The following CDH3 variants were observed in gnomAD, a reference collection of about 807,000 sequenced individuals.
CDH3 encodes cadherin-3.
In CDH3, 54 loss-of-function variants were observed where a neutral mutation model predicts 82.0. That is an observed-to-expected ratio of 0.66 (90% CI 0.53 to 0.83). The LOEUF is 0.83. CDH3 is among the 40% of genes least tolerant of loss of function. The pLI is 0.00. For missense variants in CDH3, 1,054 were observed against 1,084.6 expected, an observed-to-expected ratio of 0.97 and a Z score of 0.40; for synonymous variants, 446 against 437.9, an observed-to-expected ratio of 1.02 and a Z score of -0.23.
intron 12 of CDH3, among the ~76,000 whole-genome samples, chr16:68,690,745 A>G (rs1190407696): frequency 6.6e-6 from 1 of 152,100 alleles, no homozygotes; most frequent in Non-Finnish European, 1.5e-5. Context: ...TGTCTCTACT[A>G]AAAATACAAA....
At chr16:68,731,921 A>G (rs1962297245), downstream of CDH3, among the ~76,000 whole-genome samples, 1 of 152,220 alleles carries the variant, frequency 6.6e-6, no homozygotes, top group East Asian at 1.9e-4. Context: ...GTACAATTAC[A>G]AAGTTTACAA....
rs371486773 is a variant in CDH3 at position 68,679,970 on chromosome 16, G to A, written c.863G>A (p.Arg288Gln). Reference protein sequence around the residue: ...TISVISSGLDREKVPEYTLTI... With the variant: ...TISVISSGLDQEKVPEYTLTI... ...AGCGTCATCTCCAGTGGCCTGGACCGGGAAGTGAGTGGCCCTTAGGGAAAG... is the reference window on the plus strand; with the variant it reads ...AGCGTCATCTCCAGTGGCCTGGACCAGGAAGTGAGTGGCCCTTAGGGAAAG... The change falls in exon 7 of 16, where the codon CGG becomes CAG. Residue 288 changes from arginine to glutamine, a missense_variant. Physicochemically the swap from Arg to Gln is conservative, Grantham distance 43 (BLOSUM62 1). Transcript: ENST00000264012. The A allele has an allele frequency of 3.5e-5, 56 of 1,613,900 alleles. No homozygotes were observed. The highest frequency in any genetic ancestry group is 1.6e-4 in the Middle Eastern group (1 of 6,084).
At chr16:68,670,223 CAAAAA>C (rs71148932) in intron 2 of CDH3, among the ~76,000 whole-genome samples, 2 of 91,004 alleles carry the variant, frequency 2.2e-5, no homozygotes, top group Non-Finnish European at 2.2e-5. Context: ...GACTCTGTCT[CAAAAA>C]AAAAAAAAAA....
intron 1 of CDH3, among the ~76,000 whole-genome samples, chr16:68,706,544 CTTTTT>C (rs34364461): frequency 3.7e-5 from 3 of 81,666 alleles, no homozygotes; most frequent in Non-Finnish European, 7.0e-5. Context: ...GTCACATTTC[CTTTTT>C]TTTTTTTTTT....
rs377075308 is a variant in CDH3 at position 68,707,690 on chromosome 16, C to T, written c.99+11767C>T. On this transcript the variant is annotated intron_variant, in intron 1 of 2. Coordinates refer to the CDH3 transcript ENST00000569080. This position sits in a 1 kb window ranked among gnomAD's most constrained non-coding sequence, Gnocchi z 4.5. ...TGGTGGAAAAGCACTCAGTGTTTAGCGCTGAGCCTGCAGTGCAGTTGGGGA... is the reference window on the plus strand; with the variant it reads ...TGGTGGAAAAGCACTCAGTGTTTAGTGCTGAGCCTGCAGTGCAGTTGGGGA... 6.6e-4 allele frequency among the ~76,000 whole-genome samples: 100 copies of T among 152,270 alleles called. No homozygotes were observed. The South Asian group carries it at 0.016, about 24-fold the overall frequency.
rs760266749 is a variant in CDH3 at position 68,698,281 on chromosome 16, TC to T, written c.2374del (p.Leu792Ter). The T allele has an allele frequency of 2.5e-6, 4 of 1,614,114 alleles. No individual in the cohort carries two copies. The highest frequency in any genetic ancestry group is 2.7e-5 in the African/African-American group (2 of 74,938). On this transcript the variant is annotated frameshift_variant, in exon 16 of 16. Transcript: ENST00000264012. LOFTEE classifies it high-confidence loss of function. ...DYEGSGSDAA[S>X]LSSLTSSASD... ...TGAGGGCAGCGGCTCCGACGCCGCG[TC>T]CCTGAGCTCCCTCACCTCCTCCGCC...
intron 2 of CDH3, among the ~76,000 whole-genome samples, chr16:68,654,152 C>T (rs1328220712): frequency 2.0e-5 from 3 of 150,494 alleles, no homozygotes; most frequent in African/African-American, 4.9e-5. Flanking sequence ...CTCCGCCTCC[C>T]GGATTCAAGC....
downstream of CDH3, among the ~76,000 whole-genome samples, chr16:68,704,304 G>C (rs907906048): frequency 6.6e-6 from 1 of 151,258 alleles, no homozygotes; most frequent in African/African-American, 2.4e-5. Flanking sequence ...AAAAAAAAGG[G>C]TTAATATCTG....
At chr16:68,698,079 T>C (rs1433001260) in intron 15 of CDH3, 112 bp from the exon 16 acceptor site, 8 of 962,802 alleles carry the variant, frequency 8.3e-6, no homozygotes, top group Non-Finnish European at 1.0e-5. Flanking sequence ...CATTTCTACC[T>C]CCAAAACCTT....
intron 13 of CDH3, among the ~76,000 whole-genome samples, chr16:68,694,151 C>T (rs981186980): frequency 2.0e-5 from 3 of 151,438 alleles, no homozygotes; most frequent in African/African-American, 7.3e-5. Flanking sequence ...CAGAGCGAGA[C>T]TCTGTTTCAA....
chr16:68,731,443 CACACACACGT>C (rs1962290719), downstream of CDH3, among the ~76,000 whole-genome samples: 5 of 11,526 alleles, frequency 4.3e-4, no homozygotes, highest in Admixed American at 1.9e-3. Flanking sequence ...CATATATATA[CACACACACGT>C]ATATACACAT....
At chr16:68,668,310 G>A (rs143387567) in intron 2 of CDH3, among the ~76,000 whole-genome samples, 2 of 152,270 alleles carry the variant, frequency 1.3e-5, no homozygotes, top group Non-Finnish European at 2.9e-5. Flanking sequence ...GTGGCCTTGT[G>A]GAACCATGCT....
At chr16:68,653,918 C>T (rs932775191) in intron 2 of CDH3, among the ~76,000 whole-genome samples, 5 of 151,570 alleles carry the variant, frequency 3.3e-5, no homozygotes, top group African/African-American at 1.2e-4. Flanking sequence ...GAGGTTTCGC[C>T]ATGTTAGCCA....
At chr16:68,673,963 C>A (rs977379105) in intron 2 of CDH3, among the ~76,000 whole-genome samples, 2 of 152,062 alleles carry the variant, frequency 1.3e-5, no homozygotes, top group African/African-American at 4.8e-5. Context: ...TTGTTTCTAC[C>A]TTTTGACTAT....
intron 2 of CDH3, among the ~76,000 whole-genome samples, chr16:68,667,467 C>A (rs897341272): frequency 6.6e-6 from 1 of 152,098 alleles, no homozygotes; most frequent in Admixed American, 6.6e-5. Context: ...ATTTTGTCTA[C>A]GGAAAGATGG....
intron 2 of CDH3, among the ~76,000 whole-genome samples, chr16:68,659,008 T>G (rs1960485833): frequency 6.6e-6 from 1 of 152,212 alleles, no homozygotes; most frequent in Admixed American, 6.5e-5. Flanking sequence ...GACACACTTT[T>G]TTCAATAAAA....
intron 2 of CDH3, among the ~76,000 whole-genome samples, chr16:68,656,625 A>C (rs1206056485): frequency 6.6e-6 from 1 of 152,214 alleles, no homozygotes; most frequent in Non-Finnish European, 1.5e-5. Flanking sequence ...CCAGCTAATA[A>C]ATTGTGGTGT....
At chr16:68,665,673 G>T (rs1043818442) in intron 2 of CDH3, among the ~76,000 whole-genome samples, 1 of 152,092 alleles carries the variant, frequency 6.6e-6, no homozygotes, top group African/African-American at 2.4e-5. Context: ...CTTTGTTCTG[G>T]CATGGTCCTT....
chr16:68,660,695 A>G (rs1206658723), intron 2 of CDH3, among the ~76,000 whole-genome samples: 3 of 152,224 alleles, frequency 2.0e-5, no homozygotes, highest in Non-Finnish European at 4.4e-5. Context: ...GCTGGGGCTC[A>G]TGCCTGTAAT....
Sources: gnomAD v4.1 joint callset for allele counts (sites outside exome capture counted in the v4.1 genomes callset) on GRCh38, gnomAD v4.1.1 for gene constraint, Gnocchi (gnomAD v3.1) non-coding constraint, MANE v1.5 for transcripts, NCBI Gene and HGNC (gene_info 2026-07-23, HGNC 2026-07-21) for gene names.